The following MAP3K13 variants were observed in gnomAD, a reference collection of about 807,000 sequenced individuals.
MAP3K13 encodes mitogen-activated protein kinase kinase kinase 13, also known as leucine zipper-bearing kinase.
A neutral mutation model predicts 104.0 loss-of-function variants in MAP3K13; 52 were observed. The observed-to-expected ratio is 0.50, with a 90% CI of 0.40 to 0.63. The LOEUF is 0.63. MAP3K13 is among the 20% of genes least tolerant of loss of function. MAP3K13 has a pLI of 0.00. For missense variants in MAP3K13, 914 were observed against 1,218.5 expected (o/e 0.75, Z 3.72); for synonymous variants, 394 against 442.2 (o/e 0.89, Z 1.37).
At chr3:185,326,798 G>A (rs9856807) in intron 2 of MAP3K13, among the ~76,000 whole-genome samples, 102,998 of 151,712 alleles carry the variant, frequency 0.68, 36,416 homozygotes, top group Non-Finnish European at 0.78. Context: ...TAAGTTAAGA[G>A]TATAATGCTT....
chr3:185,402,990 C>T (rs1712902833), intron 1 of MAP3K13, among the ~76,000 whole-genome samples: 1 of 152,050 alleles, frequency 6.6e-6, no homozygotes, highest in South Asian at 2.1e-4. Flanking sequence ...ATGCAAAAGG[C>T]AAAACCTCCC....
chr3:185,366,025 C>A (rs1723874610), intron 1 of MAP3K13, among the ~76,000 whole-genome samples: 2 of 146,928 alleles, frequency 1.4e-5, no homozygotes, highest in Admixed American at 6.9e-5. Context: ...CAGAGTTGTA[C>A]AATCATCACA....
chr3:185,428,408 T>G, intron 1 of MAP3K13, 89 bp from the exon 2 acceptor site: 2 of 778,396 alleles, frequency 2.6e-6, no homozygotes, highest in East Asian at 2.9e-5. Flanking sequence ...CAATCCCCAT[T>G]GTTTCAGTTT....
chr3:185,360,572 GT>G (rs543220455), upstream of MAP3K13, among the ~76,000 whole-genome samples: 5 of 152,260 alleles, frequency 3.3e-5, no homozygotes, highest in African/African-American at 1.2e-4. Context: ...TGATGTTCCT[GT>G]GGTACAGGAA....
At chr3:185,461,392 G>A (rs1193097567) in intron 7 of MAP3K13, among the ~76,000 whole-genome samples, 1 of 152,054 alleles carries the variant, frequency 6.6e-6, no homozygotes, top group African/African-American at 2.4e-5. Context: ...TTTTTTGCAT[G>A]ATTAAAATAT....
intron 11 of MAP3K13, 44 bp from the exon 12 acceptor site, chr3:185,477,282 G>A (rs1424631784): frequency 8.1e-7 from 1 of 1,241,970 alleles, no homozygotes; most frequent in Non-Finnish European, 1.2e-6. Context: ...GAGAGACAGA[G>A]TGACACTAAA....
chr3:185,363,242 C>T lies in MAP3K13; in HGVS notation c.-212C>T, dbSNP rs1000010127. 2 of 985,306 alleles carry T rather than the reference C, an allele frequency of 2.0e-6. No individual in the cohort carries two copies. The highest frequency in any genetic ancestry group is 2.4e-6 in the Non-Finnish European group (2 of 829,926). 61.0% of individuals were successfully genotyped at this position (985,306 alleles called of 1,614,324 possible). A position where few individuals can be genotyped will look rare whatever the true frequency, so the allele number is the denominator to read the frequency against. ...AGCCTTTGGGCTCCTTTGCGGTGGGCTGGAGGATTGTGTGGGTGGAATCCC... is the reference window on the plus strand; with the variant it reads ...AGCCTTTGGGCTCCTTTGCGGTGGGTTGGAGGATTGTGTGGGTGGAATCCC... On this transcript the variant is annotated 5_prime_UTR_variant, in exon 1 of 14. Coordinates refer to ENST00000265026, the MANE Select transcript of MAP3K13 (RefSeq NM_004721.5).
Position 185,355,613 on chromosome 3 carries a change from C to T in MAP3K13, c.-86+69970C>T, listed in dbSNP as rs567980011. 7.9e-5 allele frequency among the ~76,000 whole-genome samples: 12 copies of T among 152,212 alleles called. No individual in the cohort carries two copies. The East Asian group carries it at 1.3e-3, about 17-fold the overall frequency. On this transcript the variant is annotated intron_variant, in intron 2 of 14. Coordinates refer to the MAP3K13 transcript ENST00000424227. ...TCACGCTGCTGTACTCCAGCCTGGACGACAGAGTGAGACTCCGTCTCAAAA... is the reference window on the plus strand; with the variant it reads ...TCACGCTGCTGTACTCCAGCCTGGATGACAGAGTGAGACTCCGTCTCAAAA...
At chr3:185,320,363 G>A (rs1721814398) in intron 2 of MAP3K13, among the ~76,000 whole-genome samples, 1 of 152,166 alleles carries the variant, frequency 6.6e-6, no homozygotes, top group Non-Finnish European at 1.5e-5. Context: ...TTACAGGCAT[G>A]AGCCATTGTG....
At position 185,488,628 on chromosome 3, in the gene MAP3K13, C is replaced by A. The variant is rs1346013496; in HGVS notation, c.*6172C>A. 1 of 152,362 alleles carries A rather than the reference C, an allele frequency of 6.6e-6. No individual in the cohort carries two copies. The highest frequency in any genetic ancestry group is 1.5e-5 in the Non-Finnish European group (1 of 68,142). 9.4% of individuals were successfully genotyped at this position (152,362 alleles called of 1,614,324 possible). A position where few individuals can be genotyped will look rare whatever the true frequency, so the allele number is the denominator to read the frequency against. ...GGAAGCTCCCGGCAGCATCCCAGGT[C>A]TGCTCTCCAGAGCCACTTCACAGCA... On this transcript the variant is annotated 3_prime_UTR_variant, in exon 14 of 14. Coordinates refer to ENST00000265026, the MANE Select transcript of MAP3K13 (RefSeq NM_004721.5).
intron 7 of MAP3K13, among the ~76,000 whole-genome samples, chr3:185,456,528 A>C (rs1030815825): frequency 6.6e-6 from 1 of 151,860 alleles, no homozygotes; most frequent in Non-Finnish European, 1.5e-5. Flanking sequence ...GAAATGAAAG[A>C]GAATATAGTA....
At chr3:185,415,386 G>A (rs1410649543) in intron 1 of MAP3K13, among the ~76,000 whole-genome samples, 9 of 151,654 alleles carry the variant, frequency 5.9e-5, no homozygotes, top group African/African-American at 2.2e-4. Flanking sequence ...TTGAACTCCT[G>A]GGCTCAAGTG....
At chr3:185,327,409 C>G (rs1467462343) in intron 2 of MAP3K13, among the ~76,000 whole-genome samples, 1 of 152,134 alleles carries the variant, frequency 6.6e-6, no homozygotes, top group African/African-American at 2.4e-5. Flanking sequence ...ACATGGACAT[C>G]TTTGAGGGGT....
intron 7 of MAP3K13, among the ~76,000 whole-genome samples, chr3:185,456,607 T>TC (rs1350364753): frequency 8.8e-5 from 13 of 147,420 alleles, no homozygotes; most frequent in African/African-American, 3.3e-4. Flanking sequence ...TTTTTTTTTT[T>TC]TTTTTTTTTT....
chr3:185,317,125 GT>G (rs1721705580), intron 2 of MAP3K13, among the ~76,000 whole-genome samples: 1 of 152,140 alleles, frequency 6.6e-6, no homozygotes, highest in Non-Finnish European at 1.5e-5. Flanking sequence ...ACACCAATAT[GT>G]TCTGTAGAAA....
At chr3:185,331,152 G>T (rs888880110) in intron 2 of MAP3K13, among the ~76,000 whole-genome samples, 1 of 138,696 alleles carries the variant, frequency 7.2e-6, no homozygotes, top group Admixed American at 7.8e-5. Flanking sequence ...GGAGTGCAAT[G>T]GTGGGATCTC....
Position 185,330,346 on chromosome 3 carries a change from G to A in MAP3K13, c.-86+44703G>A, listed in dbSNP as rs548326749. Among the ~76,000 whole-genome samples the A allele has an allele frequency of 5.9e-5, 9 of 151,834 alleles. No individual in the cohort carries two copies. The South Asian group carries it at 1.9e-3, about 32-fold the overall frequency. Reference sequence around the variant, plus strand: ...GCTTCTTGTTTCTGCTGTACTGAGCGGGAGCTCAGATCATGGTGCTGGGCC... The same window carrying A: ...GCTTCTTGTTTCTGCTGTACTGAGCAGGAGCTCAGATCATGGTGCTGGGCC... On this transcript the variant is annotated intron_variant, in intron 2 of 14. Transcript: ENST00000424227.
chr3:185,348,012 CAAAA>C (rs61028328), intron 2 of MAP3K13, among the ~76,000 whole-genome samples: 1 of 88,954 alleles, frequency 1.1e-5, no homozygotes. Context: ...AACTCCGTCT[CAAAA>C]AAAAAAAAAA....
In MAP3K13 at chr3:185,418,077, C is replaced by T; in HGVS notation, c.-85-10420C>T. ...CAGGAGCAAGCTTCAAAATGTTCAG[C>T]TTGCTTACATTAAGCAGAGTAATTC... On this transcript the variant is annotated intron_variant, in intron 1 of 13. Transcript: ENST00000265026. This position sits in a 1 kb window ranked among gnomAD's most constrained non-coding sequence, Gnocchi z 4.5. 1.2e-6 allele frequency: 2 copies of T among 1,611,908 alleles called. No homozygotes were observed. The highest frequency in any genetic ancestry group is 1.7e-6 in the Non-Finnish European group (2 of 1,179,712).
Sources: gnomAD v4.1 joint callset for allele counts (sites outside exome capture counted in the v4.1 genomes callset) on GRCh38, gnomAD v4.1.1 for gene constraint, Gnocchi (gnomAD v3.1) non-coding constraint, MANE v1.5 for transcripts, NCBI Gene and HGNC (gene_info 2026-07-23, HGNC 2026-07-21) for gene names.